The following FBXL2 variants were observed in gnomAD, a reference collection of about 807,000 sequenced individuals.
The protein encoded by FBXL2 is F-box and leucine rich repeat protein 2.
In FBXL2, 38 loss-of-function variants were observed where a neutral mutation model predicts 69.2. That is an observed-to-expected ratio of 0.55 (90% CI 0.42 to 0.72). The LOEUF (loss-of-function observed/expected upper bound fraction) is 0.72, where lower values mean the gene tolerates loss of function less well. Among genes scored for constraint, FBXL2 ranks in the 30% least tolerant of loss-of-function variants. The probability of loss-of-function intolerance (pLI) is 0.00; values close to 1 mark genes in which losing one functional copy is unlikely to be tolerated. For synonymous variants in FBXL2, 192 were observed against 201.3 expected (o/e 0.95, Z 0.39); for missense variants, 354 against 520.3 (o/e 0.68, Z 3.11).
intron 13 of FBXL2, among the ~76,000 whole-genome samples, chr3:33,381,073 G>T (rs942024319): frequency 6.6e-6 from 1 of 152,074 alleles, no homozygotes; most frequent in Non-Finnish European, 1.5e-5. Flanking sequence ...TGTTGGCAGC[G>T]GATTTTCCTG....
intron 5 of FBXL2, among the ~76,000 whole-genome samples, chr3:33,370,113 TA>T (rs889714012): frequency 1.3e-5 from 2 of 151,696 alleles, no homozygotes; most frequent in African/African-American, 4.8e-5. Flanking sequence ...TTCCTCCACT[TA>T]AAAAAAATAT....
At chr3:33,367,051 C>T (rs1358431335) in intron 5 of FBXL2, among the ~76,000 whole-genome samples, 1 of 151,618 alleles carries the variant, frequency 6.6e-6, no homozygotes, top group Non-Finnish European at 1.5e-5. Context: ...CCGTCTGCTC[C>T]TACATGTTTT....
chr3:33,285,955 T>G (rs1187066974), intron 1 of FBXL2, among the ~76,000 whole-genome samples: 1 of 152,282 alleles, frequency 6.6e-6, no homozygotes, highest in East Asian at 1.9e-4. Context: ...TTCTTCAAGG[T>G]TTTTAGCTTC....
chr3:33,300,049 G>A (rs998534615), intron 2 of FBXL2, among the ~76,000 whole-genome samples: 1 of 152,142 alleles, frequency 6.6e-6, no homozygotes, highest in African/African-American at 2.4e-5. Flanking sequence ...TGGGCATCAA[G>A]CTGTAATCTA....
chr3:33,299,198 C>T (rs1429589493), intron 2 of FBXL2, among the ~76,000 whole-genome samples: 1 of 151,934 alleles, frequency 6.6e-6, no homozygotes. Flanking sequence ...TGTGTCACCA[C>T]GCCCAGCTGA....
intron 2 of FBXL2, among the ~76,000 whole-genome samples, chr3:33,307,470 T>G (rs2125748920): frequency 6.6e-6 from 1 of 152,274 alleles, no homozygotes; most frequent in Non-Finnish European, 1.5e-5. Flanking sequence ...GGGTCAGATT[T>G]TTTTTTCTTT....
At position 33,378,606 on chromosome 3, in the gene FBXL2, T is replaced by G. The variant is rs1461334355; in HGVS notation, c.895-79T>G. 2.1e-6 allele frequency: 3 copies of G among 1,400,836 alleles called. No individual in the cohort carries two copies. The African/African-American group carries it at 4.3e-5, about 20-fold the overall frequency. The allele number at this position is 1,400,836 out of a possible 1,614,324, so 86.8% of individuals were successfully genotyped here. A position where few individuals can be genotyped will look rare whatever the true frequency, so the allele number is the denominator to read the frequency against. ...TTTTAATTCTTTTACACCTTTTGATTCTCGTGTTCAGGAGAAGCCAGGATT... is the reference window on the plus strand; with the variant it reads ...TTTTAATTCTTTTACACCTTTTGATGCTCGTGTTCAGGAGAAGCCAGGATT... On this transcript the variant is annotated intron_variant, in intron 12 of 14. Transcript: ENST00000484457.
At chr3:33,348,696 GACA>G (rs2040623777) in intron 2 of FBXL2, among the ~76,000 whole-genome samples, 1 of 151,964 alleles carries the variant, frequency 6.6e-6, no homozygotes, top group South Asian at 2.1e-4. Flanking sequence ...CAGCCTGGGT[GACA>G]ACAACAAAAC....
chr3:33,360,151 T>C (rs1241627820), intron 4 of FBXL2, among the ~76,000 whole-genome samples: 1 of 152,216 alleles, frequency 6.6e-6, no homozygotes. Context: ...GTAGTGGAAA[T>C]GCATTTTAAT....
chr3:33,376,025 A>G (rs1283469174), intron 10 of FBXL2, among the ~76,000 whole-genome samples: 1 of 152,098 alleles, frequency 6.6e-6, no homozygotes, highest in Non-Finnish European at 1.5e-5. Flanking sequence ...GGTTGGTGGC[A>G]GGTGCCTGTA....
At chr3:33,356,712 G>A (rs965522553) in intron 2 of FBXL2, among the ~76,000 whole-genome samples, 2 of 152,106 alleles carry the variant, frequency 1.3e-5, no homozygotes, top group Admixed American at 1.3e-4. Context: ...TTGTTTTTGG[G>A]AACTCTTACG....
At chr3:33,353,802 C>T (rs775682254) in intron 2 of FBXL2, among the ~76,000 whole-genome samples, 6 of 151,986 alleles carry the variant, frequency 3.9e-5, no homozygotes, top group African/African-American at 1.2e-4. Context: ...GCGGGATGAT[C>T]GAGTGAGCCC....
chr3:33,363,720 A>G (rs1358212337), intron 4 of FBXL2, among the ~76,000 whole-genome samples: 2 of 152,174 alleles, frequency 1.3e-5, no homozygotes, highest in Non-Finnish European at 2.9e-5. Flanking sequence ...TATTCCACAC[A>G]TACTCTTTCT....
At chr3:33,285,626 T>C (rs2034527062) in intron 1 of FBXL2, among the ~76,000 whole-genome samples, 1 of 152,254 alleles carries the variant, frequency 6.6e-6, no homozygotes, top group Non-Finnish European at 1.5e-5. Context: ...GATAATATCC[T>C]GTAGAGTGTT....
chr3:33,318,792 G>T (rs530875534), intron 2 of FBXL2, among the ~76,000 whole-genome samples: 20 of 152,270 alleles, frequency 1.3e-4, no homozygotes, highest in Non-Finnish European at 2.1e-4. Flanking sequence ...TGAAAGGTCA[G>T]CAGGGCAATC....
chr3:33,411,789 T>A, the FBXL2 span: 1 of 918,662 alleles, frequency 1.1e-6, no homozygotes, highest in Non-Finnish European at 1.7e-6. Flanking sequence ...GTAACTGCTT[T>A]GAACTCTGTC....
At chr3:33,333,949 G>A (rs890139758) in intron 2 of FBXL2, among the ~76,000 whole-genome samples, 13 of 151,944 alleles carry the variant, frequency 8.6e-5, no homozygotes, top group African/African-American at 2.9e-4. Context: ...AGTGGCTCAA[G>A]GGTTTGGGTA....
At chr3:33,324,067 G>C (rs1414607855) in intron 2 of FBXL2, among the ~76,000 whole-genome samples, 2 of 152,122 alleles carry the variant, frequency 1.3e-5, no homozygotes, top group African/African-American at 2.4e-5. Context: ...GTGATGATGA[G>C]CTTTTTTTCA....
downstream of FBXL2, chr3:33,392,680 A>G (rs944211004): frequency 8.4e-6 from 12 of 1,433,852 alleles, no homozygotes; most frequent in African/African-American, 1.3e-4. Context: ...AAATGATTTT[A>G]AAACAGTAAA....
Sources: gnomAD v4.1 joint callset for allele counts (sites outside exome capture counted in the v4.1 genomes callset) on GRCh38, gnomAD v4.1.1 for gene constraint, MANE v1.5 for transcripts, NCBI Gene and HGNC (gene_info 2026-07-23, HGNC 2026-07-21) for gene names.